Variants in CAMK1D observed in about 807,000 individuals in gnomAD.
CAMK1D encodes calcium/calmodulin-dependent protein kinase type 1D.
Under a neutral mutation model 47.7 loss-of-function variants are expected in CAMK1D, and 9 were observed. The observed-to-expected ratio is 0.19, with a 90% CI of 0.11 to 0.33. The LOEUF (loss-of-function observed/expected upper bound fraction) is 0.33. Ranked by LOEUF, CAMK1D falls within the 10% of genes least tolerant of loss-of-function variation. The pLI is 1.00. For missense variants in CAMK1D, 291 were observed against 488.7 expected, an observed-to-expected ratio of 0.60 and a Z score of 3.81; for synonymous variants, 184 against 184.9, an observed-to-expected ratio of 0.99 and a Z score of 0.04.
rs147085288 is a variant in CAMK1D, at chr10:12,756,234, G to A, written c.300-4714G>A. Among the ~76,000 whole-genome samples the A allele has an allele frequency of 7.2e-5, 11 of 152,304 alleles. No individual in the cohort carries two copies. In the East Asian group the frequency reaches 1.9e-3, roughly 27 times the overall value. On this transcript the variant is annotated intron_variant, in intron 3 of 10. Coordinates refer to ENST00000619168, the MANE Select transcript of CAMK1D (RefSeq NM_153498.4). ...TTTTAATGAATGTGTGGTTGATATT[G>A]TTCAAGACATAAAATACTTTAAATT... is the stretch of plus-strand genomic sequence containing the variant.
chr10:12,500,195 G>T (rs1351363254), intron 1 of CAMK1D, among the ~76,000 whole-genome samples: 1 of 152,172 alleles, frequency 6.6e-6, no homozygotes, highest in Non-Finnish European at 1.5e-5. Flanking sequence ...GAACCTGGAA[G>T]GTGGAGGTTG....
At chr10:12,393,096 A>G (rs2131895016) in intron 1 of CAMK1D, among the ~76,000 whole-genome samples, 1 of 151,128 alleles carries the variant, frequency 6.6e-6, no homozygotes, top group South Asian at 2.1e-4. Context: ...CAGTGGTGCA[A>G]TCTCTGCTCA....
intron 3 of CAMK1D, among the ~76,000 whole-genome samples, chr10:12,736,686 AC>A (rs557918482): frequency 2.6e-4 from 38 of 144,660 alleles, no homozygotes; most frequent in African/African-American, 9.3e-4. Flanking sequence ...GTGCTTCCAA[AC>A]TTTTTTTCTT....
intron 3 of CAMK1D, among the ~76,000 whole-genome samples, chr10:12,699,442 C>A (rs911300453): frequency 2.4e-4 from 37 of 152,162 alleles, no homozygotes; most frequent in African/African-American, 8.7e-4. Flanking sequence ...GGATCTTGAT[C>A]CTACTTGTTG....
chr10:12,737,687 G>A (rs1412496774), intron 3 of CAMK1D, among the ~76,000 whole-genome samples: 2 of 152,012 alleles, frequency 1.3e-5, no homozygotes, highest in Admixed American at 6.6e-5. Flanking sequence ...CATTTGTATC[G>A]TTGAAAATTA....
Position 12,796,896 on chromosome 10 carries a change from G to GA in CAMK1D, c.641+5672dup, listed in dbSNP as rs987960142. 6.0e-5 allele frequency among the ~76,000 whole-genome samples: 9 copies of GA among 150,956 alleles called. No individual in the cohort carries two copies. In the East Asian group the frequency reaches 7.8e-4, roughly 13 times the overall value. On this transcript the variant is annotated intron_variant, in intron 6 of 10. Coordinates refer to ENST00000619168, the MANE Select transcript of CAMK1D (RefSeq NM_153498.4). ...ATTCACAGTAACTAGACTCAGAGGA[G>GA]AAAAAAAAAGACTGGACTGTCCACT... is the stretch of plus-strand genomic sequence containing the variant.
At chr10:12,422,433 G>A (rs1240094452) in intron 1 of CAMK1D, among the ~76,000 whole-genome samples, 1 of 152,170 alleles carries the variant, frequency 6.6e-6, no homozygotes, top group African/African-American at 2.4e-5. Flanking sequence ...ATTGCAGGCG[G>A]CCCATGCCTG....
At chr10:12,430,588 C>T (rs776815232) in intron 1 of CAMK1D, among the ~76,000 whole-genome samples, 2 of 152,214 alleles carry the variant, frequency 1.3e-5, no homozygotes, top group African/African-American at 2.4e-5. Context: ...TTTGCAAACA[C>T]ACTGAGACCA....
intron 1 of CAMK1D, among the ~76,000 whole-genome samples, chr10:12,497,033 T>C (rs772579517): frequency 1.3e-5 from 2 of 152,192 alleles, no homozygotes; most frequent in Non-Finnish European, 2.9e-5. Flanking sequence ...GATAATGGCT[T>C]CCAGCTTCAT....
intron 1 of CAMK1D, among the ~76,000 whole-genome samples, chr10:12,525,417 C>T (rs888494302): frequency 6.6e-6 from 1 of 152,054 alleles, no homozygotes; most frequent in Non-Finnish European, 1.5e-5. Context: ...AAGCTCTTTT[C>T]ACCTATTCTC....
chr10:12,420,399 T>C (rs968987896), intron 1 of CAMK1D, among the ~76,000 whole-genome samples: 1 of 152,256 alleles, frequency 6.6e-6, no homozygotes, highest in African/African-American at 2.4e-5. Context: ...TTAATAGTTC[T>C]TACTACTTTA....
chr10:12,437,364 TG>T (rs1455011319), intron 1 of CAMK1D, among the ~76,000 whole-genome samples: 2 of 152,180 alleles, frequency 1.3e-5, no homozygotes, highest in Non-Finnish European at 2.9e-5. Context: ...GCTAATTTTT[TG>T]TATTTTCTTA....
intron 3 of CAMK1D, among the ~76,000 whole-genome samples, chr10:12,675,229 G>A (rs1840767894): frequency 6.6e-6 from 1 of 151,994 alleles, no homozygotes; most frequent in Non-Finnish European, 1.5e-5. Context: ...CATATTTCCA[G>A]TAAGACTTCT....
At chr10:12,534,394 T>C (rs954572288) in intron 1 of CAMK1D, among the ~76,000 whole-genome samples, 1 of 152,058 alleles carries the variant, frequency 6.6e-6, no homozygotes, top group Non-Finnish European at 1.5e-5. Context: ...TTAGACGGAG[T>C]CTTGCTCTGT....
chr10:12,522,807 GCGGC>G (rs1835468407), intron 1 of CAMK1D, among the ~76,000 whole-genome samples: 2 of 108,406 alleles, frequency 1.8e-5, no homozygotes, highest in African/African-American at 3.4e-5. Context: ...CCCAGACGGG[GCGGC>G]TGGCCGGGCG....
intron 1 of CAMK1D, among the ~76,000 whole-genome samples, chr10:12,443,600 C>T (rs565372561): frequency 6.6e-6 from 1 of 152,204 alleles, no homozygotes; most frequent in East Asian, 1.9e-4. Flanking sequence ...TAGAGCAGCC[C>T]TGAGGACTGC....
intron 1 of CAMK1D, among the ~76,000 whole-genome samples, chr10:12,362,923 C>T (rs1370654903): frequency 1.3e-5 from 2 of 149,912 alleles, no homozygotes; most frequent in East Asian, 2.0e-4. Flanking sequence ...GGATTACAGG[C>T]GTGAGCCACC....
intron 3 of CAMK1D, among the ~76,000 whole-genome samples, chr10:12,680,870 G>A (rs1233566391): frequency 2.1e-5 from 3 of 141,570 alleles, no homozygotes; most frequent in African/African-American, 7.7e-5. Context: ...GGGTGACAGA[G>A]TGAGACCATG....
chr10:12,713,215 C>T (rs895260503), intron 3 of CAMK1D, among the ~76,000 whole-genome samples: 4 of 152,088 alleles, frequency 2.6e-5, no homozygotes, highest in African/African-American at 9.7e-5. Context: ...GGATTACAAG[C>T]GCACGCCACC....
Sources: allele counts gnomAD v4.1 joint callset (sites outside exome capture counted in the v4.1 genomes callset), GRCh38; gene constraint gnomAD v4.1.1; transcripts MANE v1.5; gene names NCBI Gene and HGNC (gene_info 2026-07-23, HGNC 2026-07-21).